RAB11FIP5: variants seen among roughly 807,000 people sequenced by gnomAD.
RAB11FIP5 encodes RAB11 family interacting protein 5, also known as rab11 family-interacting protein 5.
A neutral mutation model predicts 85.1 loss-of-function variants in RAB11FIP5; 48 were observed. The observed-to-expected ratio is 0.56, with a 90% CI of 0.45 to 0.72. The LOEUF is 0.72. RAB11FIP5 is among the 30% of genes least tolerant of loss of function. The pLI is 0.00. For missense variants in RAB11FIP5, 1,491 were observed against 1,687.0 expected (o/e 0.88, Z 2.04); for synonymous variants, 729 against 727.3 (o/e 1.00, Z -0.04).
At position 73,088,992 on chromosome 2, in the gene RAB11FIP5, A is replaced by G; in HGVS notation, c.755T>C (p.Leu252Pro). ...KSSLTQSNTS[L>P]GSDSTLSSAS... ...TGAGGACAGGGTGCTGTCCGAGCCCAGCGAGGTGTTGGACTGGGTCAGGGA... is the reference window on the plus strand; with the variant it reads ...TGAGGACAGGGTGCTGTCCGAGCCCGGCGAGGTGTTGGACTGGGTCAGGGA... The change falls in exon 2 of 6, where the codon CTG becomes CCG. Residue 252 changes from leucine (L) to proline (P), a missense_variant. Leu to Pro is a moderately conservative substitution (Grantham distance 98). Transcript: ENST00000486777. The G allele has an allele frequency of 6.2e-7, 1 of 1,614,230 alleles. No homozygotes were observed.
intron 1 of RAB11FIP5, among the ~76,000 whole-genome samples, chr2:73,092,710 G>A (rs919544599): frequency 2.6e-5 from 4 of 152,176 alleles, no homozygotes; most frequent in Admixed American, 6.5e-5. Flanking sequence ...TGTTTTTCAA[G>A]GAAGCACGGA....
At chr2:73,082,909 C>A (rs1359615918) in intron 3 of RAB11FIP5, among the ~76,000 whole-genome samples, 1 of 152,224 alleles carries the variant, frequency 6.6e-6, no homozygotes, top group Non-Finnish European at 1.5e-5. Flanking sequence ...TGCCACTGAG[C>A]CACCGTCAGA....
At chr2:73,111,641 G>A (rs1413383202) in intron 1 of RAB11FIP5, among the ~76,000 whole-genome samples, 7 of 152,350 alleles carry the variant, frequency 4.6e-5, no homozygotes, top group Admixed American at 3.9e-4. Flanking sequence ...TAACCATGCC[G>A]CTGCCTCTAC....
At chr2:73,107,581 G>A (rs1684554813) in intron 1 of RAB11FIP5, among the ~76,000 whole-genome samples, 1 of 152,120 alleles carries the variant, frequency 6.6e-6, no homozygotes, top group Non-Finnish European at 1.5e-5. Flanking sequence ...GGCAGGGGAA[G>A]CTGCCAGGCC....
intron 1 of RAB11FIP5, among the ~76,000 whole-genome samples, chr2:73,110,221 G>A (rs1684610537): frequency 6.6e-6 from 1 of 152,230 alleles, no homozygotes; most frequent in Admixed American, 6.5e-5. Context: ...CCAAAGCTGA[G>A]GAGGGTACAC....
intron 1 of RAB11FIP5, among the ~76,000 whole-genome samples, chr2:73,095,450 C>T (rs751527071): frequency 3.9e-5 from 6 of 152,326 alleles, no homozygotes; most frequent in Non-Finnish European, 8.8e-5. Flanking sequence ...AGAGAGCTCC[C>T]AGCTACCCAT....
At chr2:73,103,243 C>A (rs1684462291) in intron 1 of RAB11FIP5, among the ~76,000 whole-genome samples, 1 of 152,184 alleles carries the variant, frequency 6.6e-6, no homozygotes, top group Non-Finnish European at 1.5e-5. Flanking sequence ...ATGCCTGGCA[C>A]CAGCAACCTT....
chr2:73,106,986 C>T (rs1006344640), intron 1 of RAB11FIP5, among the ~76,000 whole-genome samples: 5 of 152,100 alleles, frequency 3.3e-5, no homozygotes, highest in African/African-American at 4.8e-5. Context: ...CCTGAGAGGC[C>T]GGGGCCCAGC....
chr2:73,106,323 C>T (rs910493347), intron 1 of RAB11FIP5, among the ~76,000 whole-genome samples: 5 of 152,166 alleles, frequency 3.3e-5, no homozygotes, highest in Non-Finnish European at 5.9e-5. Flanking sequence ...CCATGATGGC[C>T]GACAGGTCTC....
intron 3 of RAB11FIP5, among the ~76,000 whole-genome samples, chr2:73,085,161 C>G (rs946122120): frequency 6.6e-6 from 1 of 152,198 alleles, no homozygotes; most frequent in Non-Finnish European, 1.5e-5. Context: ...ATTTACACCA[C>G]CAAGAATGCA....
At position 73,080,865 on chromosome 2, in the gene RAB11FIP5, A is replaced by T; in HGVS notation, c.2367T>A (p.Phe789Leu). ...ACACACTGATCACTTCTGGGGAGCT[A>T]AATAGAGATGTCCCACTGTCTGCCG... ...QSPADSGTSL[F>L]SSPEVISVWE... Residue 789 changes from phenylalanine (F) to leucine (L), a missense_variant, in exon 4 of 6, where the codon TTT (phenylalanine) becomes TTA (leucine). Transcript: ENST00000486777. The T allele has an allele frequency of 2.4e-6, 3 of 1,232,354 alleles. No individual in the cohort carries two copies. Among genetic ancestry groups the T allele is most frequent in the Non-Finnish European group, 3.0e-6 (3 of 988,148 alleles). 76.3% of individuals were successfully genotyped at this position (1,232,354 alleles called of 1,614,324 possible).
Position 73,112,363 on chromosome 2 carries a change from G to C in RAB11FIP5, c.415C>G (p.Arg139Gly). 1.9e-6 allele frequency: 3 copies of C among 1,589,610 alleles called. No individual in the cohort carries two copies. The highest frequency in any genetic ancestry group is 2.3e-5 in the East Asian group (1 of 43,670). The change falls in exon 1 of 6, where the codon CGC becomes GGC. Residue 139 changes from arginine (R) to glycine (G), a missense_variant. By Grantham distance (125) the Arg-to-Gly change is moderately radical (BLOSUM62 -2). This residue lies in a region of RAB11FIP5 where 1,211 missense variants were observed against 1,338.0 expected (regional missense o/e 0.91). Coordinates refer to ENST00000486777, the MANE Select transcript of RAB11FIP5 (RefSeq NM_001371272.1). Reference protein sequence around the residue: ...VALDEVFGAGRAQHTQWYKLH... With the variant: ...VALDEVFGAGGAQHTQWYKLH... ...CCTACTCACTGCGTGTGCTGGGCGCGGCCTGCGCCGAAGACCTCGTCCAGC... is the reference window on the plus strand; with the variant it reads ...CCTACTCACTGCGTGTGCTGGGCGCCGCCTGCGCCGAAGACCTCGTCCAGC...
Position 73,088,896 on chromosome 2 carries a change from C to G in RAB11FIP5, c.851G>C (p.Trp284Ser), listed in dbSNP as rs1314373590. The G allele has an allele frequency of 6.3e-7, 1 of 1,580,836 alleles. No homozygotes were observed. The highest frequency in any genetic ancestry group is 8.6e-7 in the Non-Finnish European group (1 of 1,163,240). The change falls in exon 2 of 6, where the codon TGG (tryptophan) becomes TCG (serine). Residue 284 changes from tryptophan (W) to serine (S), a missense_variant. Trp to Ser is a radical substitution (Grantham distance 177, BLOSUM62 -3). Coordinates refer to ENST00000486777, the MANE Select transcript of RAB11FIP5 (RefSeq NM_001371272.1). ...LLTRSPSRSS[W>S]LSTEGGRDSA... Reference sequence around the variant, plus strand: ...TTGCTCACCCCCTTCAGTGGACAGCCAGCTGCTACGGCTTGGTGAGCGGGT... The same window carrying G: ...TTGCTCACCCCCTTCAGTGGACAGCGAGCTGCTACGGCTTGGTGAGCGGGT...
chr2:73,081,161 C>A lies in RAB11FIP5; in HGVS notation c.2071G>T (p.Ala691Ser). The A allele has an allele frequency of 8.1e-7, 1 of 1,232,806 alleles. No individual in the cohort carries two copies. The highest frequency in any genetic ancestry group is 1.0e-6 in the Non-Finnish European group (1 of 988,468). 76.4% of individuals were successfully genotyped at this position (1,232,806 alleles called of 1,614,324 possible). The part of the protein sequence containing the change: ...LQDPGPGAMT[A>S]KAAEPQGEPG... ...TCTCCCTGGGGCTCAGCTGCCTTCG[C>A]AGTCATGGCCCCAGGGCCTGGGTCT... is the stretch of plus-strand genomic sequence containing the variant. The change falls in exon 4 of 6, where the codon GCG becomes TCG. Residue 691 changes from alanine to serine, a missense_variant. Ala to Ser is a moderately conservative substitution (Grantham distance 99, BLOSUM62 1). Transcript: ENST00000486777. This position sits in a 1 kb window ranked among gnomAD's most constrained non-coding sequence, Gnocchi z 4.2.
At chr2:73,105,064 C>T (rs1489658120) in intron 1 of RAB11FIP5, among the ~76,000 whole-genome samples, 1 of 152,150 alleles carries the variant, frequency 6.6e-6, no homozygotes, top group African/African-American at 2.4e-5. Context: ...GGAGGAAGAA[C>T]AGGATGGCTT....
intron 1 of RAB11FIP5, among the ~76,000 whole-genome samples, chr2:73,105,819 A>G (rs528206692): frequency 3.5e-4 from 53 of 152,162 alleles, no homozygotes; most frequent in African/African-American, 1.2e-3. Flanking sequence ...ATGGGGGAAG[A>G]CTGAGGTGGG....
chr2:73,106,489 C>G (rs1416136813), intron 1 of RAB11FIP5, among the ~76,000 whole-genome samples: 4 of 152,202 alleles, frequency 2.6e-5, no homozygotes, highest in East Asian at 1.9e-4. Flanking sequence ...AGGCTTCCCC[C>G]CCTTTGGAAT....
At chr2:73,091,952 G>T (rs751100832) in intron 1 of RAB11FIP5, among the ~76,000 whole-genome samples, 1 of 150,898 alleles carries the variant, frequency 6.6e-6, no homozygotes, top group Non-Finnish European at 1.5e-5. Flanking sequence ...CTCTCATAAG[G>T]CACGGGCAGA....
intron 1 of RAB11FIP5, among the ~76,000 whole-genome samples, chr2:73,101,569 C>T (rs573878579): frequency 6.6e-6 from 1 of 152,280 alleles, no homozygotes; most frequent in African/African-American, 2.4e-5. Context: ...CACTCCTGCT[C>T]CCACCTGGGA....
Sources: allele counts gnomAD v4.1 joint callset (sites outside exome capture counted in the v4.1 genomes callset), GRCh38; gene constraint gnomAD v4.1.1; regional missense constraint gnomAD v4.1.1; non-coding constraint Gnocchi (gnomAD v3.1); transcripts MANE v1.5; gene names NCBI Gene and HGNC (gene_info 2026-07-23, HGNC 2026-07-21).